Variants in SIRPB1 observed in about 807,000 individuals in gnomAD.
SIRPB1 encodes signal regulatory protein beta 1, also known as signal-regulatory protein beta-1.
In SIRPB1, 28 loss-of-function variants were observed where a neutral mutation model predicts 34.1. The observed-to-expected ratio is 0.82, with a 90% CI of 0.61 to 1.12. The LOEUF (loss-of-function observed/expected upper bound fraction) is 1.12. SIRPB1 is among the 50% of genes most tolerant of loss of function. The pLI is 0.00. For synonymous variants in SIRPB1, 211 were observed against 203.8 expected (o/e 1.04, Z -0.30); for missense variants, 499 against 507.0 (o/e 0.98, Z 0.15).
intron 1 of SIRPB1, among the ~76,000 whole-genome samples, chr20:1,615,242 C>G (rs1388963812): frequency 6.6e-6 from 1 of 152,186 alleles, no homozygotes; most frequent in Non-Finnish European, 1.5e-5. Context: ...CTCTTGGAGT[C>G]TCTAAACCAC....
In SIRPB1 at chr20:1,591,660, T is replaced by C. The variant is rs1415051511; in HGVS notation, c.77-12966A>G. On this transcript the variant is annotated intron_variant, in intron 1 of 5. Transcript: ENST00000381605. ...AAGAATGTCACCGGTAGAGTAATGA[T>C]TGGACTATGTTGGTGGAATCACATT... 3.7e-5 allele frequency: 2 copies of C among 54,584 alleles called. 1 individual carries two copies. Among genetic ancestry groups the C allele is most frequent in the Non-Finnish European group, 7.3e-5 (2 of 27,538 alleles). 3.4% of individuals were successfully genotyped at this position (54,584 alleles called of 1,614,324 possible). A position where few individuals can be genotyped will look rare whatever the true frequency, so the allele number is the denominator to read the frequency against.
intron 1 of SIRPB1, among the ~76,000 whole-genome samples, chr20:1,579,883 A>C (rs2122232906): frequency 6.7e-6 from 1 of 148,156 alleles, no homozygotes; most frequent in Middle Eastern, 3.5e-3. Flanking sequence ...AAGACACAAA[A>C]TTGTGATAAG....
At chr20:1,609,193 G>A (rs2091541436) in intron 1 of SIRPB1, among the ~76,000 whole-genome samples, 1 of 71,118 alleles carries the variant, frequency 1.4e-5, no homozygotes, top group Admixed American at 1.1e-4. Flanking sequence ...CACTGGCTGT[G>A]ACTGCCTGGG....
At chr20:1,588,292 A>C (rs1239948353) in intron 1 of SIRPB1, among the ~76,000 whole-genome samples, 1 of 49,346 alleles carries the variant, frequency 2.0e-5, no homozygotes, top group Admixed American at 1.3e-4. Flanking sequence ...GTAAGGATTT[A>C]AATAGTGATT....
rs2253427 is a variant in SIRPB1 at position 1,571,784 on chromosome 20, T to C, written c.687A>G (p.Ile229Met). Residue 229 changes from isoleucine (I) to methionine (M), a missense_variant, in exon 3 of 6, where the codon ATA (isoleucine) becomes ATG (methionine). Physicochemically the swap from Ile to Met is conservative, Grantham distance 10 (BLOSUM62 1). Coordinates refer to ENST00000381605, the MANE Select transcript of SIRPB1 (RefSeq NM_006065.5). ...GDVHSQVICEIAHITLQGDPL... is the reference protein window; with the variant it reads ...GDVHSQVICEMAHITLQGDPL... The stretch of plus-strand genomic sequence containing the variant: ...GGTCCCCCTGCAAGGTGATGTGGGC[T>C]ATCTCGCAGATGACTTGAGAGTGAA... 0.79 allele frequency: 1,268,821 copies of C among 1,614,062 alleles called. 500,348 individuals carry two copies. Among genetic ancestry groups the C allele is most frequent in the African/African-American group, 0.92 (68,652 of 75,010 alleles).
intron 4 of SIRPB1, among the ~76,000 whole-genome samples, chr20:1,568,265 G>A (rs1366615344): frequency 3.9e-5 from 6 of 152,168 alleles, no homozygotes; most frequent in East Asian, 3.9e-4. Flanking sequence ...AGTCAAAAGG[G>A]AACACTCACC....
rs2091519460 is a variant in SIRPB1 at position 1,607,602 on chromosome 20, G to A, written c.76+12267C>T. 3.4e-5 allele frequency among the ~76,000 whole-genome samples: 2 copies of A among 58,362 alleles called. 1 individual carries two copies. Among genetic ancestry groups the A allele is most frequent in the Non-Finnish European group, 6.1e-5 (2 of 32,816 alleles). 38.3% of individuals were successfully genotyped at this position (58,362 alleles called of 152,430 possible). On this transcript the variant is annotated intron_variant, in intron 1 of 5. Transcript: ENST00000381605. ...GTTTTCCCAATGATTCTAATGAGCAGCCAAGGTTGAAAGCCACTGGACTCC... is the reference window on the plus strand; with the variant it reads ...GTTTTCCCAATGATTCTAATGAGCAACCAAGGTTGAAAGCCACTGGACTCC...
At chr20:1,572,412 T>G (rs33999287) in intron 2 of SIRPB1, among the ~76,000 whole-genome samples, 15,921 of 150,516 alleles carry the variant, frequency 0.11, 1,025 homozygotes, top group Middle Eastern at 0.16. Flanking sequence ...GAGAGGGCAT[T>G]TATAGAAGCC....
At chr20:1,576,709 C>T (rs1488143920) in intron 2 of SIRPB1, among the ~76,000 whole-genome samples, 1 of 148,346 alleles carries the variant, frequency 6.7e-6, no homozygotes, top group East Asian at 1.9e-4. Context: ...GAGTTCGAGA[C>T]CAGCCTGAAC....
rs549401753 is a variant in SIRPB1, at chr20:1,566,220, C to T, written c.1132G>A (p.Gly378Ser). The change falls in exon 5 of 6, where the codon GGC (glycine) becomes AGC (serine). Residue 378 changes from glycine to serine, a missense_variant. Gly to Ser is a moderately conservative substitution (Grantham distance 56). Transcript: ENST00000381605. The stretch of plus-strand genomic sequence containing the variant: ...CCAACCACCAGTAGCAGCTTGGGGC[C>T]CAGGAGGAGAGCTACGAGGAGTGGA... ...TAPLLVALLL[G>S]PKLLLVVGVS... 5.0e-6 allele frequency: 8 copies of T among 1,612,132 alleles called. No homozygotes were observed. The highest frequency in any genetic ancestry group is 6.8e-6 in the Non-Finnish European group (8 of 1,179,340).
chr20:1,572,099 G>T, intron 2 of SIRPB1, 62 bp from the exon 3 acceptor site: 12 of 1,609,500 alleles, frequency 7.5e-6, no homozygotes, highest in East Asian at 2.2e-5. Context: ...GATGATAAGC[G>T]TTTGACATGT....
chr20:1,572,719 T>A (rs6110495), intron 2 of SIRPB1, among the ~76,000 whole-genome samples: 3,860 of 151,716 alleles, frequency 0.025, 126 homozygotes, highest in African/African-American at 0.087. Context: ...ACATTCCGTA[T>A]TTTTCTTTTC....
At chr20:1,598,361 T>C in intron 1 of SIRPB1, 1 of 369,950 alleles carries the variant, frequency 2.7e-6, no homozygotes, top group Non-Finnish European at 3.1e-6. Flanking sequence ...GCCTCTCTCC[T>C]CATTGCTTCC....
chr20:1,604,514 C>T lies in SIRPB1; in HGVS notation c.76+15355G>A, dbSNP rs1295485990. ...TTTGCTATCAGTGAAATAAATGAAA[C>T]GGCTAGCACAGTCCTTGGCACCTGG... is the stretch of plus-strand genomic sequence containing the variant. On this transcript the variant is annotated intron_variant, in intron 1 of 5. Coordinates refer to ENST00000381605, the MANE Select transcript of SIRPB1 (RefSeq NM_006065.5). Among the ~76,000 whole-genome samples, 2 of 47,506 alleles carry T rather than the reference C, an allele frequency of 4.2e-5. 1 individual carries two copies. The highest frequency in any genetic ancestry group is 3.1e-4 in the African/African-American group (2 of 6,380). The allele number at this position is 47,506 out of a possible 152,430, so 31.2% of individuals were successfully genotyped here.
At chr20:1,578,122 C>T (rs1319208423) in intron 2 of SIRPB1, 3 of 585,802 alleles carry the variant, frequency 5.1e-6, no homozygotes, top group Non-Finnish European at 9.0e-6. Flanking sequence ...CTGGGGATGC[C>T]TTCTGTCCCA....
At chr20:1,571,221 C>T in intron 3 of SIRPB1, 84 bp from the exon 4 acceptor site, 1 of 1,350,272 alleles carries the variant, frequency 7.4e-7, no homozygotes, top group South Asian at 1.4e-5. Context: ...CCCACCAACA[C>T]AGTGAGGGCA....
At chr20:1,618,122 G>A (rs544870440) in intron 1 of SIRPB1, among the ~76,000 whole-genome samples, 1 of 152,054 alleles carries the variant, frequency 6.6e-6, no homozygotes, top group Non-Finnish European at 1.5e-5. Flanking sequence ...TACAACACAC[G>A]TTAAAATCTC....
intron 4 of SIRPB1, among the ~76,000 whole-genome samples, chr20:1,567,325 C>A (rs2091153754): frequency 6.6e-6 from 1 of 152,052 alleles, no homozygotes; most frequent in Non-Finnish European, 1.5e-5. Flanking sequence ...CCAGCCCTTC[C>A]CCTCAATTTG....
chr20:1,586,932 T>G (rs1600135581), intron 1 of SIRPB1, among the ~76,000 whole-genome samples: 1 of 49,632 alleles, frequency 2.0e-5, no homozygotes, highest in Admixed American at 1.3e-4. Context: ...TTAACAAAAC[T>G]TTCGGAATAC....
Sources: gnomAD v4.1 joint callset for allele counts (sites outside exome capture counted in the v4.1 genomes callset) on GRCh38, gnomAD v4.1.1 for gene constraint, MANE v1.5 for transcripts, NCBI Gene and HGNC (gene_info 2026-07-23, HGNC 2026-07-21) for gene names.